HSD17B3: variants seen among roughly 807,000 people sequenced by gnomAD.
HSD17B3 encodes 17-beta-hydroxysteroid dehydrogenase type 3.
A neutral mutation model predicts 41.1 loss-of-function variants in HSD17B3; 29 were observed. That is an observed-to-expected ratio of 0.71 (90% CI 0.53 to 0.96). The LOEUF is 0.96. HSD17B3 is among the 40% of genes least tolerant of loss of function. HSD17B3 has a pLI of 0.00. For synonymous variants in HSD17B3, 126 were observed against 145.6 expected (o/e 0.87, Z 0.97); for missense variants, 323 against 374.6 (o/e 0.86, Z 1.14).
chr9:96,298,676 TGTTGGTTGGTTGGTTG>T (rs552741682), intron 1 of HSD17B3, among the ~76,000 whole-genome samples: 10 of 151,886 alleles, frequency 6.6e-5, no homozygotes, highest in Admixed American at 3.9e-4. Context: ...TTGGTTGGTT[TGTTGGTTGGTTGGTTG>T]GTTGGTTAGT....
chr9:96,278,702 T>A (rs1826568535), intron 2 of HSD17B3, among the ~76,000 whole-genome samples: 1 of 152,220 alleles, frequency 6.6e-6, no homozygotes, highest in Non-Finnish European at 1.5e-5. Context: ...GAATTTGATG[T>A]CTTTATTTGA....
At chr9:96,280,340 T>C (rs993496820) in intron 2 of HSD17B3, among the ~76,000 whole-genome samples, 2 of 152,214 alleles carry the variant, frequency 1.3e-5, no homozygotes, top group South Asian at 4.1e-4. Flanking sequence ...AATCCACTTA[T>C]TTTGAACGAC....
chr9:96,236,711 G>T (rs1194579156), intron 10 of HSD17B3, among the ~76,000 whole-genome samples: 1 of 151,922 alleles, frequency 6.6e-6, no homozygotes, highest in Non-Finnish European at 1.5e-5. Flanking sequence ...TTCAAAGAGG[G>T]GGAAGCCTTC....
chr9:96,281,198 C>G (rs1048869725), intron 2 of HSD17B3, among the ~76,000 whole-genome samples: 1 of 152,016 alleles, frequency 6.6e-6, no homozygotes, highest in African/African-American at 2.4e-5. Flanking sequence ...TGTGAAAACC[C>G]CCTTCCCAAA....
intron 9 of HSD17B3, among the ~76,000 whole-genome samples, chr9:96,242,458 T>G (rs1163375718): frequency 6.6e-6 from 1 of 151,840 alleles, no homozygotes; most frequent in Non-Finnish European, 1.5e-5. Context: ...GCTCACAGAG[T>G]TTAAACAAGC....
At chr9:96,241,839 G>A (rs1374055645) in intron 9 of HSD17B3, among the ~76,000 whole-genome samples, 2 of 151,746 alleles carry the variant, frequency 1.3e-5, no homozygotes, top group Non-Finnish European at 2.9e-5. Flanking sequence ...GGAGGCTGAG[G>A]CAGGAGGATC....
intron 2 of HSD17B3, among the ~76,000 whole-genome samples, chr9:96,289,358 GT>G (rs1199341941): frequency 6.6e-6 from 1 of 152,080 alleles, no homozygotes; most frequent in African/African-American, 2.4e-5. Context: ...CATTAAAAAT[GT>G]TTTTTCATTT....
In HSD17B3 at chr9:96,240,950, C is replaced by G. The variant is rs371612434; in HGVS notation, c.673-43G>C. The G allele has an allele frequency of 4.3e-5, 69 of 1,612,578 alleles. No individual in the cohort carries two copies. In the African/African-American group the frequency reaches 8.7e-4, roughly 20 times the overall value. ...GACCATGGCACAGAAGCAATCCACC[C>G]CAGGAAGAAGACTCAGAAATTAACA... On this transcript the variant is annotated intron_variant, in intron 9 of 10. Transcript: ENST00000375263.
At position 96,293,865 on chromosome 9, in the gene HSD17B3, C is replaced by T. The variant is rs111271245; in HGVS notation, c.201+4551G>A. Among the ~76,000 whole-genome samples, 543 of 152,270 alleles carry T rather than the reference C, an allele frequency of 3.6e-3. 7 individuals carry two copies. Among genetic ancestry groups the T allele is most frequent in the African/African-American group, 0.012 (508 of 41,558 alleles). On this transcript the variant is annotated intron_variant, in intron 2 of 10. Coordinates refer to ENST00000375263, the MANE Select transcript of HSD17B3 (RefSeq NM_000197.2). ...TCATCCTATTTAACCCTTACAAAAA[C>T]CTAGGTGAGACTGTTATCACTTCCA...
At chr9:96,263,598 G>A (rs1317162621) in intron 2 of HSD17B3, among the ~76,000 whole-genome samples, 3 of 151,754 alleles carry the variant, frequency 2.0e-5, no homozygotes, top group African/African-American at 4.8e-5. Context: ...GCGTGGTGGC[G>A]GGCGCCTGTA....
intron 2 of HSD17B3, among the ~76,000 whole-genome samples, chr9:96,291,651 T>C (rs991009430): frequency 6.6e-6 from 1 of 152,164 alleles, no homozygotes; most frequent in African/African-American, 2.4e-5. Context: ...CTGACAAGGT[T>C]TGGAGCATAA....
chr9:96,289,089 A>T (rs543721486), intron 2 of HSD17B3, among the ~76,000 whole-genome samples: 4 of 150,570 alleles, frequency 2.7e-5, no homozygotes, highest in African/African-American at 9.7e-5. Context: ...AGCCTGGATG[A>T]CAGAGCAAGA....
In HSD17B3 at chr9:96,269,557, T is replaced by G. The variant is rs534828975; in HGVS notation, c.202-14614A>C. Among the ~76,000 whole-genome samples the G allele has an allele frequency of 2.0e-5, 3 of 152,202 alleles. No homozygotes were observed. The South Asian group carries it at 6.2e-4, about 31-fold the overall frequency. On this transcript the variant is annotated intron_variant, in intron 2 of 10. Transcript: ENST00000375263. ...AACCATGTTCCATGGTTCATTTCAT[T>G]CATCCATGTCGGCATGGATGAACTT...
At chr9:96,286,413 G>T (rs968587998) in intron 2 of HSD17B3, among the ~76,000 whole-genome samples, 2 of 152,092 alleles carry the variant, frequency 1.3e-5, no homozygotes, top group South Asian at 2.1e-4. Context: ...AACTGGCTGG[G>T]CATAGTGGCC....
chr9:96,291,814 G>T (rs1412933949), intron 2 of HSD17B3, among the ~76,000 whole-genome samples: 1 of 152,010 alleles, frequency 6.6e-6, no homozygotes, highest in South Asian at 2.1e-4. Context: ...AAAATTAGCT[G>T]GGCGTGGTGG....
At chr9:96,274,735 G>C (rs1000775337) in intron 2 of HSD17B3, among the ~76,000 whole-genome samples, 5 of 152,040 alleles carry the variant, frequency 3.3e-5, no homozygotes, top group Non-Finnish European at 5.9e-5. Context: ...AAAGATTGAA[G>C]AAAGCCTATA....
chr9:96,282,840 T>C (rs892955718), intron 2 of HSD17B3, among the ~76,000 whole-genome samples: 1 of 152,192 alleles, frequency 6.6e-6, no homozygotes, highest in Non-Finnish European at 1.5e-5. Context: ...ATTAAAAGGT[T>C]AAAAGTTTAA....
At chr9:96,246,658 A>AGTAG in intron 6 of HSD17B3, 68 bp from the exon 7 acceptor site, 1 of 1,426,986 alleles carries the variant, frequency 7.0e-7, no homozygotes, top group Non-Finnish European at 9.9e-7. Flanking sequence ...CGGGATGGAA[A>AGTAG]CAGGGAAGGG....
intron 2 of HSD17B3, among the ~76,000 whole-genome samples, chr9:96,280,543 GGA>G (rs1367453561): frequency 3.9e-5 from 6 of 152,250 alleles, no homozygotes; most frequent in Middle Eastern, 3.4e-3. Context: ...TGAGTAATTT[GGA>G]GAGAGTTTAA....
Sources: allele counts gnomAD v4.1 joint callset (sites outside exome capture counted in the v4.1 genomes callset), GRCh38; gene constraint gnomAD v4.1.1; transcripts MANE v1.5; gene names NCBI Gene and HGNC (gene_info 2026-07-23, HGNC 2026-07-21).